The following SNRPN variants were observed in gnomAD, a reference collection of about 807,000 sequenced individuals.
The protein encoded by SNRPN is small nuclear ribonucleoprotein-associated protein N.
SNRPN carries 7 observed loss-of-function variants against 25.2 expected under a neutral mutation model. That is an observed-to-expected ratio of 0.28 (90% CI 0.16 to 0.52). The LOEUF (loss-of-function observed/expected upper bound fraction) is 0.52, where lower values mean the gene tolerates loss of function less well. Among genes scored for constraint, SNRPN ranks in the 20% least tolerant of loss-of-function variants. The probability of loss-of-function intolerance (pLI) is 0.96; values close to 1 mark genes in which losing one functional copy is unlikely to be tolerated. For synonymous variants in SNRPN, 124 were observed against 110.6 expected, an observed-to-expected ratio of 1.12 and a Z score of -0.76; for missense variants, 196 against 322.5, an observed-to-expected ratio of 0.61 and a Z score of 3.00.
intron 2 of SNRPN, 46 bp from the exon 3 acceptor site, chr15:24,967,886 G>C (rs752846196): frequency 6.9e-7 from 1 of 1,450,384 alleles, no homozygotes; most frequent in East Asian, 2.5e-5. Flanking sequence ...TTCCTATAAA[G>C]ACAAATGTAT....
intron 2 of SNRPN, among the ~76,000 whole-genome samples, chr15:24,889,718 T>C (rs2057500331): frequency 6.6e-6 from 1 of 152,040 alleles, no homozygotes; most frequent in Non-Finnish European, 1.5e-5. Flanking sequence ...CCCTACATGT[T>C]CATGTTGTTG....
chr15:24,977,068 T>C, intron 7 of SNRPN, 39 bp downstream of exon 7: 1 of 1,498,452 alleles, frequency 6.7e-7, no homozygotes, highest in Non-Finnish European at 8.9e-7. Context: ...ATTGGGAGAA[T>C]ATGACTAAGC....
chr15:24,920,761 CAT>C, intron 3 of SNRPN, among the ~76,000 whole-genome samples: 1 of 152,060 alleles, frequency 6.6e-6, no homozygotes, highest in Middle Eastern at 3.4e-3. Context: ...TTCAGAATCA[CAT>C]GTTAACAATT....
Position 24,913,668 on chromosome 15 carries a change from C to CA in SNRPN, c.-504-6335dup, listed in dbSNP as rs558395007. Among the ~76,000 whole-genome samples the CA allele has an allele frequency of 1.1e-3, 164 of 151,434 alleles. 1 individual carries two copies. The highest frequency in any genetic ancestry group is 8.3e-3 in the East Asian group (43 of 5,156). On this transcript the variant is annotated intron_variant, in intron 2 of 11. Coordinates refer to the SNRPN transcript ENST00000400097. ...CTCAAAAAAACAAAACAAAACAAAA[C>CA]AAAAAAAACAAAGAAAAAGAGTGTA...
chr15:24,961,189 A>G (rs931314505), intron 1 of SNRPN, among the ~76,000 whole-genome samples: 3 of 152,216 alleles, frequency 2.0e-5, no homozygotes, highest in African/African-American at 7.2e-5. Context: ...AAATTTTACC[A>G]TTTAGAAATC....
chr15:24,955,204 T>A, intron 1 of SNRPN, 142 bp downstream of exon 1: 1 of 1,160,434 alleles, frequency 8.6e-7, no homozygotes. Context: ...GAGAACCAGA[T>A]CCGGAATGTT....
intron 2 of SNRPN, among the ~76,000 whole-genome samples, chr15:24,902,160 T>G (rs1011153200): frequency 6.6e-6 from 1 of 152,154 alleles, no homozygotes; most frequent in Non-Finnish European, 1.5e-5. Context: ...TTGCATGTGG[T>G]AGATGGAGAG....
At chr15:24,973,249 A>C (rs1031891269) in intron 3 of SNRPN, among the ~76,000 whole-genome samples, 1 of 152,066 alleles carries the variant, frequency 6.6e-6, no homozygotes, top group East Asian at 1.9e-4. Context: ...AACATGATAT[A>C]CAGGTTTGTA....
Position 24,925,448 on chromosome 15 carries a change from A to G in SNRPN, c.-391+5324A>G, listed in dbSNP as rs76006766. Among the ~76,000 whole-genome samples the G allele has an allele frequency of 4.2e-3, 638 of 152,116 alleles. 4 individuals are homozygous for G. Among genetic ancestry groups the G allele is most frequent in the Admixed American group, 6.0e-3 (92 of 15,262 alleles). On this transcript the variant is annotated intron_variant, in intron 3 of 11. Transcript: ENST00000400097. ...AACAAAGCAAGACCCCATCTCTACA[A>G]AAAGAAAAATGTATGATTGCGTCCC...
intron 2 of SNRPN, chr15:24,909,758 C>T (rs2059091961): frequency 4.7e-6 from 6 of 1,287,144 alleles, no homozygotes; most frequent in Non-Finnish European, 6.7e-6. Flanking sequence ...CTCTCATCAT[C>T]GTCTTCTAAA....
Position 24,955,080 on chromosome 15 carries a change from C to T in SNRPN, c.-391+18C>T, listed in dbSNP as rs1299270515. 1 of 1,613,426 alleles carries T rather than the reference C, an allele frequency of 6.2e-7. No individual in the cohort carries two copies. Among genetic ancestry groups the T allele is most frequent in the Non-Finnish European group, 8.5e-7 (1 of 1,180,028 alleles). Reference sequence around the variant, plus strand: ...CGGGCAAGGTCAGCTGTGCCGGTGGCTTCTCTCAAGAGACAGCCTGGGGAG... The same window carrying T: ...CGGGCAAGGTCAGCTGTGCCGGTGGTTTCTCTCAAGAGACAGCCTGGGGAG... On this transcript the variant is annotated intron_variant, in intron 1 of 9. Transcript: ENST00000390687.
chr15:24,927,475 AATT>A lies in SNRPN; in HGVS notation c.-391+7352_-391+7354del, dbSNP rs2060472592. 1.9e-4 allele frequency among the ~76,000 whole-genome samples: 21 copies of A among 113,320 alleles called. 2 individuals carry two copies. The highest frequency in any genetic ancestry group is 3.0e-4 in the East Asian group (1 of 3,298). 74.3% of individuals were successfully genotyped at this position (113,320 alleles called of 152,430 possible). On this transcript the variant is annotated intron_variant, in intron 3 of 11. Transcript: ENST00000400097. ...TTTCCCACTGCTTATAAAGTTTTTA[AATT>A]TTTTTTTTTTTTTTTTTTTTTTTTT...
chr15:24,877,326 G>A (rs191227115), intron 1 of SNRPN, among the ~76,000 whole-genome samples: 4 of 152,258 alleles, frequency 2.6e-5, no homozygotes, highest in African/African-American at 9.6e-5. Context: ...TATTTCAGAA[G>A]CACGTGCTAC....
intron 1 of SNRPN, among the ~76,000 whole-genome samples, chr15:24,958,155 A>G (rs947126008): frequency 2.0e-5 from 3 of 152,154 alleles, no homozygotes; most frequent in Non-Finnish European, 2.9e-5. Context: ...GTTACTCTGT[A>G]TCTTTATGTT....
At chr15:24,890,329 A>G (rs1396573263) in intron 2 of SNRPN, among the ~76,000 whole-genome samples, 8 of 152,266 alleles carry the variant, frequency 5.3e-5, no homozygotes, top group African/African-American at 9.6e-5. Context: ...GGTAATTACT[A>G]TTAGATGATA....
chr15:24,910,177 G>GT (rs141799964), intron 2 of SNRPN, among the ~76,000 whole-genome samples: 5,121 of 152,250 alleles, frequency 0.034, 177 homozygotes, highest in Non-Finnish European at 0.045. Context: ...TGTCTTAATA[G>GT]TTTTTTGGAG....
intron 3 of SNRPN, among the ~76,000 whole-genome samples, chr15:24,948,349 T>C (rs2062014539): frequency 6.6e-6 from 1 of 152,058 alleles, no homozygotes; most frequent in African/African-American, 2.4e-5. Context: ...CCTGACCTCG[T>C]GATCTGCCCG....
intron 1 of SNRPN, among the ~76,000 whole-genome samples, chr15:24,868,491 G>A (rs1337499577): frequency 6.6e-6 from 1 of 152,182 alleles, no homozygotes; most frequent in African/African-American, 2.4e-5. Context: ...CCCATGTGAT[G>A]TACCTTCAGC....
At chr15:24,865,844 A>C (rs1595549248) in intron 1 of SNRPN, among the ~76,000 whole-genome samples, 1 of 152,236 alleles carries the variant, frequency 6.6e-6, no homozygotes, top group East Asian at 1.9e-4. Context: ...GATGATAACG[A>C]GGCATGTCCC....
Sources: gnomAD v4.1 joint callset for allele counts (sites outside exome capture counted in the v4.1 genomes callset) on GRCh38, gnomAD v4.1.1 for gene constraint, MANE v1.5 for transcripts, NCBI Gene and HGNC (gene_info 2026-07-23, HGNC 2026-07-21) for gene names.